CDK7: variants seen among roughly 807,000 people sequenced by gnomAD.
CDK7 encodes the protein cyclin-dependent kinase 7.
Under a neutral mutation model 49.1 loss-of-function variants are expected in CDK7, and 25 were observed. The ratio of observed to expected loss-of-function variants is 0.51; its 90% CI spans 0.37 to 0.71. CDK7 has a LOEUF of 0.71. Among genes scored for constraint, CDK7 ranks in the 30% least tolerant of loss-of-function variants. The pLI is 0.00. For synonymous variants in CDK7, 107 were observed against 140.0 expected (o/e 0.76, Z 1.67); for missense variants, 316 against 411.7 (o/e 0.77, Z 2.01).
chr5:69,251,334 G>A (rs904550815), intron 2 of CDK7, among the ~76,000 whole-genome samples: 14 of 151,636 alleles, frequency 9.2e-5, no homozygotes, highest in Non-Finnish European at 1.8e-4. Context: ...TCCTGACCTC[G>A]TGATCCACCT....
intron 2 of CDK7, among the ~76,000 whole-genome samples, chr5:69,249,055 T>C (rs1749958907): frequency 6.6e-6 from 1 of 152,006 alleles, no homozygotes; most frequent in Non-Finnish European, 1.5e-5. Context: ...TGAATTAACT[T>C]TCTTCTTTGC....
chr5:69,238,889 AT>A (rs1749186798), intron 2 of CDK7, among the ~76,000 whole-genome samples: 1 of 151,930 alleles, frequency 6.6e-6, no homozygotes, highest in South Asian at 2.1e-4. Flanking sequence ...AGTCAACATT[AT>A]TTCCGAAATC....
intron 2 of CDK7, among the ~76,000 whole-genome samples, chr5:69,236,480 C>T (rs1442963218): frequency 6.6e-6 from 1 of 152,010 alleles, no homozygotes; most frequent in Non-Finnish European, 1.5e-5. Context: ...TTTGAATCTG[C>T]TTCTCCTGCT....
chr5:69,259,411 T>C (rs1561363580), intron 6 of CDK7, among the ~76,000 whole-genome samples: 1 of 152,188 alleles, frequency 6.6e-6, no homozygotes, highest in Non-Finnish European at 1.5e-5. Context: ...ATTGCTGATG[T>C]CTTTTTAGCA....
chr5:69,252,493 C>CT, intron 3 of CDK7, 42 bp downstream of exon 3: 2 of 429,962 alleles, frequency 4.7e-6, no homozygotes, highest in African/African-American at 3.1e-5. Context: ...AAAGTTTTCT[C>CT]CTTTTTTTTT....
At chr5:69,255,097 T>G (rs904615231) in intron 4 of CDK7, among the ~76,000 whole-genome samples, 8 of 152,184 alleles carry the variant, frequency 5.3e-5, no homozygotes, top group Non-Finnish European at 1.2e-4. Flanking sequence ...AATGTATTCA[T>G]TCATTCAATG....
rs979058227 is a variant in CDK7, at chr5:69,268,257, C to T, written c.628-950C>T. Among the ~76,000 whole-genome samples, 4 of 152,118 alleles carry T rather than the reference C, an allele frequency of 2.6e-5. 1 individual carries two copies. Among genetic ancestry groups the T allele is most frequent in the Admixed American group, 1.3e-4 (2 of 15,256 alleles). ...AGGATCTCGTACTTACTCAACACAC[C>T]GAATTGTAAATGCTTGTTTATGTGT... On this transcript the variant is annotated intron_variant, in intron 8 of 11. Coordinates refer to ENST00000256443, the MANE Select transcript of CDK7 (RefSeq NM_001799.4).
chr5:69,269,334 CTG>C (rs781521271), intron 9 of CDK7, 41 bp downstream of exon 9: 1 of 1,377,422 alleles, frequency 7.3e-7, no homozygotes, highest in Non-Finnish European at 1.0e-6. Flanking sequence ...AATTAGGACT[CTG>C]TAAAGTTCTT....
Position 69,234,921 on chromosome 5 carries a change from C to T in CDK7, c.-55C>T. ...GGAGGCTTTAAGGTAGCTTTAAATT[C>T]GTGTTGTCCTGGGAGCTCGCCCTTT... is the stretch of plus-strand genomic sequence containing the variant. On this transcript the variant is annotated 5_prime_UTR_variant, in exon 1 of 12. Transcript: ENST00000256443. 1 of 1,522,622 alleles carries T rather than the reference C, an allele frequency of 6.6e-7. No individual in the cohort carries two copies. The allele number at this position is 1,522,622 out of a possible 1,614,324, so 94.3% of individuals were successfully genotyped here. A position where few individuals can be genotyped will look rare whatever the true frequency, so the allele number is the denominator to read the frequency against.
intron 2 of CDK7, among the ~76,000 whole-genome samples, chr5:69,245,422 A>T (rs2172055): frequency 0.28 from 42,014 of 148,554 alleles, 6,475 homozygotes; most frequent in East Asian, 0.4. Context: ...GCTCATTGCA[A>T]CCTCCACCTC....
intron 9 of CDK7, among the ~76,000 whole-genome samples, chr5:69,271,474 C>T (rs1490949187): frequency 4.1e-5 from 6 of 148,114 alleles, no homozygotes; most frequent in Non-Finnish European, 8.9e-5. Context: ...TCAAAGAGCT[C>T]TTTTGCCCAG....
At position 69,274,133 on chromosome 5, in the gene CDK7, G is replaced by A. The variant is rs1579879226; in HGVS notation, c.864+1092G>A. On this transcript the variant is annotated intron_variant, in intron 10 of 11. Transcript: ENST00000256443. ...ACCACATTTAATTATCTAGAAAGTT[G>A]TTTTCATTGGTAGTATAGTTTGAAA... Among the ~76,000 whole-genome samples the A allele has an allele frequency of 3.9e-5, 6 of 152,158 alleles. No homozygotes were observed. The South Asian group carries it at 1.2e-3, about 32-fold the overall frequency.
At chr5:69,254,412 C>T (rs894052868) in intron 3 of CDK7, among the ~76,000 whole-genome samples, 190 bp from the exon 4 acceptor site, 10 of 151,188 alleles carry the variant, frequency 6.6e-5, no homozygotes, top group African/African-American at 2.4e-4. Context: ...ATCCCTGCTA[C>T]TCTGGAGGCT....
chr5:69,239,135 T>G (rs1216311037), intron 2 of CDK7, among the ~76,000 whole-genome samples: 1 of 152,174 alleles, frequency 6.6e-6, no homozygotes, highest in African/African-American at 2.4e-5. Flanking sequence ...AATTATGAAT[T>G]GATGCTTCAG....
intron 8 of CDK7, 93 bp from the exon 9 acceptor site, chr5:69,269,113 TG>T: frequency 1.4e-6 from 1 of 732,032 alleles, no homozygotes; most frequent in East Asian, 2.7e-5. Context: ...CACTGCAGCC[TG>T]GGTGACAGAG....
Position 69,266,759 on chromosome 5 carries a change from C to T in CDK7, c.628-2448C>T, listed in dbSNP as rs116388773. Among the ~76,000 whole-genome samples the T allele has an allele frequency of 9.3e-3, 1,405 of 150,658 alleles. 11 individuals are homozygous for T. The highest frequency in any genetic ancestry group is 0.015 in the African/African-American group (614 of 41,040). The stretch of plus-strand genomic sequence containing the variant: ...ATGATTGGTTTAGTCATATAGAAAT[C>T]GATATTTAATAACTGGAATATTTAG... On this transcript the variant is annotated intron_variant, in intron 8 of 11. Coordinates refer to ENST00000256443, the MANE Select transcript of CDK7 (RefSeq NM_001799.4).
At chr5:69,242,377 G>C (rs1749452024) in intron 2 of CDK7, among the ~76,000 whole-genome samples, 1 of 152,156 alleles carries the variant, frequency 6.6e-6, no homozygotes, top group Admixed American at 6.6e-5. Context: ...CAGTTCCTAA[G>C]TAGTGGTCAC....
intron 2 of CDK7, among the ~76,000 whole-genome samples, chr5:69,237,991 C>T (rs953933430): frequency 6.6e-6 from 1 of 152,110 alleles, no homozygotes; most frequent in African/African-American, 2.4e-5. Context: ...GTGTTGTAGA[C>T]CTTATTCCAA....
intron 3 of CDK7, among the ~76,000 whole-genome samples, chr5:69,253,701 A>G (rs927894789): frequency 2.0e-5 from 3 of 152,212 alleles, no homozygotes; most frequent in African/African-American, 7.2e-5. Flanking sequence ...TATGCTGCAC[A>G]CTTATATATG....
Sources: gnomAD v4.1 joint callset for allele counts (sites outside exome capture counted in the v4.1 genomes callset) on GRCh38, gnomAD v4.1.1 for gene constraint, MANE v1.5 for transcripts, NCBI Gene and HGNC (gene_info 2026-07-23, HGNC 2026-07-21) for gene names.